The following ZNF91 variants were observed in gnomAD, a reference collection of about 807,000 sequenced individuals.
The protein encoded by ZNF91 is zinc finger protein 91, also known as zinc finger protein 91 (HPF7, HTF10).
Under a neutral mutation model 12.6 loss-of-function variants are expected in ZNF91, and 7 were observed. That is an observed-to-expected ratio of 0.55 (90% CI 0.31 to 1.04). ZNF91 has a LOEUF of 1.04. Among genes scored for constraint, ZNF91 ranks in the 50% least tolerant of loss-of-function variants. The pLI, the probability that ZNF91 is intolerant of heterozygous loss-of-function variation, is 0.05. For synonymous variants in ZNF91, 453 were observed against 462.6 expected, an observed-to-expected ratio of 0.98 and a Z score of 0.27; for missense variants, 1,217 against 1,385.4, an observed-to-expected ratio of 0.88 and a Z score of 1.93.
At chr19:23,321,037 G>C (rs926827943) in intron 1 of ZNF91, among the ~76,000 whole-genome samples, 2 of 152,192 alleles carry the variant, frequency 1.3e-5, no homozygotes. Flanking sequence ...GTTCACAGTT[G>C]AGATTGTGAC....
At chr19:23,348,444 T>G (rs1353898024) in intron 3 of ZNF91, among the ~76,000 whole-genome samples, 2 of 152,234 alleles carry the variant, frequency 1.3e-5, no homozygotes, top group Non-Finnish European at 2.9e-5. Context: ...TGTGAAGATT[T>G]CATGGACATT....
downstream of ZNF91, chr19:23,357,667 A>T (rs1968526816): frequency 6.6e-6 from 1 of 151,174 alleles, no homozygotes; most frequent in African/African-American, 2.4e-5. Flanking sequence ...TGAAAAAATT[A>T]AAAAAGATTT....
intron 1 of ZNF91, among the ~76,000 whole-genome samples, chr19:23,388,869 C>T (rs1969967108): frequency 6.6e-6 from 1 of 151,422 alleles, no homozygotes; most frequent in Non-Finnish European, 1.5e-5. Context: ...GTGAAACCAT[C>T]TTTTAAAAAA....
At chr19:23,389,364 A>G (rs1050620873) in intron 1 of ZNF91, among the ~76,000 whole-genome samples, 1 of 151,320 alleles carries the variant, frequency 6.6e-6, no homozygotes, top group Non-Finnish European at 1.5e-5. Flanking sequence ...AGGTGGGAAT[A>G]TGCCAGAAGA....
intron 3 of ZNF91, among the ~76,000 whole-genome samples, chr19:23,345,260 C>T (rs295392): frequency 0.34 from 51,260 of 151,960 alleles, 9,899 homozygotes; most frequent in African/African-American, 0.54. Context: ...TATGGGAAAT[C>T]TCAAGTTTTC....
intron 1 of ZNF91, among the ~76,000 whole-genome samples, chr19:23,319,816 A>G (rs1433691463): frequency 2.0e-5 from 3 of 152,202 alleles, no homozygotes; most frequent in Non-Finnish European, 2.9e-5. Flanking sequence ...TGATTGTGAC[A>G]TATATCTTGG....
chr19:23,370,655 C>T (rs1296803238), intron 3 of ZNF91, among the ~76,000 whole-genome samples: 4 of 152,088 alleles, frequency 2.6e-5, no homozygotes, highest in African/African-American at 9.7e-5. Flanking sequence ...TACACACCAT[C>T]ATGCCTGGAT....
downstream of ZNF91, among the ~76,000 whole-genome samples, chr19:23,333,971 G>A (rs1211938528): frequency 1.3e-5 from 2 of 152,134 alleles, no homozygotes; most frequent in East Asian, 3.9e-4. Flanking sequence ...TATAAAGATT[G>A]ATATAATATG....
chr19:23,375,732 G>A (rs1042833065), intron 1 of ZNF91, among the ~76,000 whole-genome samples: 1 of 151,962 alleles, frequency 6.6e-6, no homozygotes, highest in African/African-American at 2.4e-5. Flanking sequence ...AAAAAGGGCA[G>A]CTGCCAGATT....
At position 23,359,690 on chromosome 19, in the gene ZNF91, T is replaced by C; in HGVS notation, c.3289A>G (p.Lys1097Glu). 2 of 1,614,112 alleles carry C rather than the reference T, an allele frequency of 1.2e-6. No homozygotes were observed. Among genetic ancestry groups the C allele is most frequent in the Non-Finnish European group, 1.7e-6 (2 of 1,179,982 alleles). ...GGTTTCTCTCCGGTGTGCAACCTCTTATGTCTAGTTAGGGTTGAAGATTGG... is the reference window on the plus strand; with the variant it reads ...GGTTTCTCTCCGGTGTGCAACCTCTCATGTCTAGTTAGGGTTGAAGATTGG... Reference protein sequence around the residue: ...FSQSSTLTRHKRLHTGEKPYK... With the variant: ...FSQSSTLTRHERLHTGEKPYK... Residue 1097 changes from lysine (K) to glutamate (E), a missense_variant, in exon 4 of 4, where the codon AAG becomes GAG. By Grantham distance (56) the Lys-to-Glu change is moderately conservative. Transcript: ENST00000300619.
chr19:23,362,767 C>T lies in ZNF91; in HGVS notation c.254-42G>A, dbSNP rs978578298. The stretch of plus-strand genomic sequence containing the variant: ...AAAAATAATAAATTACTCCACTCAC[C>T]TAGACTCACATGAATATAGTTTAAA... On this transcript the variant is annotated intron_variant, in intron 3 of 3. Transcript: ENST00000300619. 7.2e-6 allele frequency: 10 copies of T among 1,382,310 alleles called. No homozygotes were observed. In the East Asian group the frequency reaches 2.5e-4, roughly 35 times the overall value. 85.6% of individuals were successfully genotyped at this position (1,382,310 alleles called of 1,614,324 possible). A position where few individuals can be genotyped will look rare whatever the true frequency, so the allele number is the denominator to read the frequency against.
intron 1 of ZNF91, among the ~76,000 whole-genome samples, chr19:23,387,838 G>A (rs879672158): frequency 7.3e-5 from 11 of 151,396 alleles, no homozygotes; most frequent in Non-Finnish European, 1.5e-4. Context: ...AGCTACTCAG[G>A]AGGCTGAGAC....
Position 23,361,034 on chromosome 19 carries a change from T to C in ZNF91, c.1945A>G (p.Lys649Glu). 1.2e-6 allele frequency: 2 copies of C among 1,603,628 alleles called. No homozygotes were observed. Among genetic ancestry groups the C allele is most frequent in the Non-Finnish European group, 1.7e-6 (2 of 1,171,760 alleles). The change falls in exon 4 of 4, where the codon AAG becomes GAG. Residue 649 changes from lysine (K) to glutamate (E), a missense_variant. By Grantham distance (56) the Lys-to-Glu change is moderately conservative (BLOSUM62 1). This residue lies in a region of ZNF91 where 726 missense variants were observed against 895.5 expected (regional missense o/e 0.81). Transcript: ENST00000300619. ...FSHSSALAKH[K>E]RIHTGEKPYK... ...GGTTTCTCTCCAGTATGAATTCTCT[T>C]ATGTTTAGCAAGGGCTGAAGAATGG...
At position 23,368,544 on chromosome 19, in the gene ZNF91, C is replaced by CTA. The variant is rs1245966091; in HGVS notation, c.253+5197_253+5198insTA. ...TCTCTCTCTCTCTCTCTCTCTCTCTCTCTCTCTCTCTCTCTCTCTATATAT... is the reference window on the plus strand; with the variant it reads ...TCTCTCTCTCTCTCTCTCTCTCTCTCTATCTCTCTCTCTCTCTCTCTATATAT... On this transcript the variant is annotated intron_variant, in intron 3 of 3. Transcript: ENST00000300619. Among the ~76,000 whole-genome samples, 4 of 117,404 alleles carry CTA rather than the reference C, an allele frequency of 3.4e-5. No homozygotes were observed. In the East Asian group the frequency reaches 6.8e-4, roughly 20 times the overall value. The allele number at this position is 117,404 out of a possible 152,430, so 77.0% of individuals were successfully genotyped here.
chr19:23,335,117 C>G (rs557892088), downstream of ZNF91, among the ~76,000 whole-genome samples: 1 of 152,162 alleles, frequency 6.6e-6, no homozygotes, highest in Non-Finnish European at 1.5e-5. Context: ...TGCCTGGGTA[C>G]CAGTAGAGGC....
chr19:23,372,516 A>G (rs974166713), intron 3 of ZNF91, among the ~76,000 whole-genome samples: 2 of 152,206 alleles, frequency 1.3e-5, no homozygotes, highest in African/African-American at 4.8e-5. Flanking sequence ...CCTTTTTAGA[A>G]GGCAAGCCTC....
chr19:23,378,903 ACCT>A, intron 1 of ZNF91, among the ~76,000 whole-genome samples: 1 of 152,096 alleles, frequency 6.6e-6, no homozygotes, highest in Non-Finnish European at 1.5e-5. Context: ...GAGTCTCCAG[ACCT>A]CCTCATCATT....
chr19:23,341,040 A>G (rs1372466317), intron 3 of ZNF91, among the ~76,000 whole-genome samples: 1 of 150,798 alleles, frequency 6.6e-6, no homozygotes, highest in African/African-American at 2.4e-5. Flanking sequence ...AATCTCAACT[A>G]AAAATAAAAC....
chr19:23,324,912 G>C (rs1967809607), intron 1 of ZNF91: 1 of 151,836 alleles, frequency 6.6e-6, no homozygotes, highest in African/African-American at 2.4e-5. Flanking sequence ...GCTGTTTCTT[G>C]AGCCAGGTCT....
Sources: allele counts gnomAD v4.1 joint callset (sites outside exome capture counted in the v4.1 genomes callset), GRCh38; gene constraint gnomAD v4.1.1; regional missense constraint gnomAD v4.1.1; transcripts MANE v1.5; gene names NCBI Gene and HGNC (gene_info 2026-07-23, HGNC 2026-07-21).